The following SNX25 variants were observed in gnomAD, a reference collection of about 807,000 sequenced individuals.
SNX25 encodes the protein sorting nexin 25.
A neutral mutation model predicts 113.7 loss-of-function variants in SNX25; 62 were observed. The observed-to-expected ratio is 0.55, with a 90% CI of 0.44 to 0.67. SNX25 has a LOEUF of 0.67. Among genes scored for constraint, SNX25 ranks in the 30% least tolerant of loss-of-function variants. The pLI, the probability that SNX25 is intolerant of heterozygous loss-of-function variation, is 0.00. For missense variants in SNX25, 1,014 were observed against 1,161.0 expected, an observed-to-expected ratio of 0.87 and a Z score of 1.84; for synonymous variants, 421 against 436.2, an observed-to-expected ratio of 0.97 and a Z score of 0.43.
intron 5 of SNX25, among the ~76,000 whole-genome samples, chr4:185,269,192 C>T (rs1315930493): frequency 6.6e-6 from 1 of 151,400 alleles, no homozygotes; most frequent in Non-Finnish European, 1.5e-5. Flanking sequence ...TTTAAAGCAT[C>T]ATTCTATAAA....
intron 7 of SNX25, among the ~76,000 whole-genome samples, chr4:185,313,614 C>T (rs1262294204): frequency 6.6e-6 from 1 of 152,118 alleles, no homozygotes; most frequent in Non-Finnish European, 1.5e-5. Context: ...TGCAATATAT[C>T]CCACAATTAT....
chr4:185,360,950 T>TATATATATATATATATATAGATAGATAG (rs1048534398), intron 16 of SNX25, among the ~76,000 whole-genome samples: 2 of 141,756 alleles, frequency 1.4e-5, no homozygotes, highest in East Asian at 2.0e-4. Context: ...TATATATATA[T>TATATATATATATATATATAGATAGATAG]ATAGAATCTG....
At chr4:185,375,711 C>G in the SNX25 span, 1 of 1,606,344 alleles carries the variant, frequency 6.2e-7, no homozygotes, top group South Asian at 1.1e-5. Flanking sequence ...TGTTCTAATG[C>G]TTCTTCATAC....
chr4:185,330,720 G>A (rs2095188522), intron 9 of SNX25, among the ~76,000 whole-genome samples: 2 of 152,054 alleles, frequency 1.3e-5, no homozygotes, highest in Non-Finnish European at 2.9e-5. Flanking sequence ...TCAAGTGCTT[G>A]CTCTTGATGG....
intron 5 of SNX25, among the ~76,000 whole-genome samples, chr4:185,278,743 T>C (rs185167768): frequency 7.9e-4 from 120 of 152,320 alleles, no homozygotes; most frequent in African/African-American, 2.8e-3. Flanking sequence ...AAGGTGATAT[T>C]CAGTAAACAT....
At chr4:185,304,683 C>A (rs1177657183) in intron 6 of SNX25, among the ~76,000 whole-genome samples, 2 of 151,976 alleles carry the variant, frequency 1.3e-5, no homozygotes, top group Non-Finnish European at 2.9e-5. Flanking sequence ...GAGACAGAGT[C>A]TTGCTGTGTT....
intron 6 of SNX25, chr4:185,295,690 TC>T (rs1752746729): frequency 6.6e-6 from 1 of 152,152 alleles, no homozygotes; most frequent in Non-Finnish European, 1.5e-5. Context: ...GCTCAATCGA[TC>T]CGCCCTCCTC....
intron 1 of SNX25, among the ~76,000 whole-genome samples, chr4:185,216,350 G>C (rs1738815896): frequency 6.6e-6 from 1 of 152,024 alleles, no homozygotes; most frequent in African/African-American, 2.4e-5. Flanking sequence ...GTTTTTCTCT[G>C]TATAATCTGT....
chr4:185,358,917 T>TA (rs2095350413), intron 16 of SNX25, among the ~76,000 whole-genome samples: 1 of 152,340 alleles, frequency 6.6e-6, no homozygotes, highest in Admixed American at 6.5e-5. Flanking sequence ...AAGATTAGTA[T>TA]AATAGTTTTA....
In SNX25 at chr4:185,354,253, T is replaced by C. The variant is rs181894463; in HGVS notation, c.2584+651T>C. Among the ~76,000 whole-genome samples, 14 of 152,300 alleles carry C rather than the reference T, an allele frequency of 9.2e-5. 1 individual carries two copies. The East Asian group carries it at 2.7e-3, about 29-fold the overall frequency. On this transcript the variant is annotated intron_variant, in intron 15 of 18. Transcript: ENST00000652585. ...ACTAAAAGTTATACAGAAAACTGTTTTGCTTAGCACAGAAGAATCCTGTTG... is the reference window on the plus strand; with the variant it reads ...ACTAAAAGTTATACAGAAAACTGTTCTGCTTAGCACAGAAGAATCCTGTTG...
intron 15 of SNX25, 147 bp downstream of exon 15, chr4:185,353,749 T>G: frequency 2.6e-6 from 2 of 778,278 alleles, no homozygotes; most frequent in Non-Finnish European, 4.3e-6. Flanking sequence ...ACATAGCCTT[T>G]TAAGAGCCAA....
At chr4:185,300,663 C>T (rs1313555509) in intron 6 of SNX25, among the ~76,000 whole-genome samples, 1 of 151,858 alleles carries the variant, frequency 6.6e-6, no homozygotes, top group Non-Finnish European at 1.5e-5. Flanking sequence ...TTATGAATGA[C>T]CTAAACTCAT....
At chr4:185,290,704 A>G (rs899822067) in intron 6 of SNX25, among the ~76,000 whole-genome samples, 2 of 152,202 alleles carry the variant, frequency 1.3e-5, no homozygotes, top group Non-Finnish European at 2.9e-5. Context: ...ATTCTGGTTG[A>G]ATTTTAATTA....
intron 1 of SNX25, among the ~76,000 whole-genome samples, chr4:185,242,245 G>GT (rs1040258370): frequency 6.6e-6 from 1 of 152,068 alleles, no homozygotes; most frequent in East Asian, 1.9e-4. Context: ...AATGTGTGGG[G>GT]TTTTTTTCCC....
chr4:185,303,003 A>G (rs1226992030), intron 6 of SNX25, among the ~76,000 whole-genome samples: 1 of 152,194 alleles, frequency 6.6e-6, no homozygotes, highest in Non-Finnish European at 1.5e-5. Context: ...CCCCAAGAAG[A>G]ACTTTAGTCC....
intron 16 of SNX25, among the ~76,000 whole-genome samples, chr4:185,358,067 A>G (rs909501089): frequency 5.3e-5 from 8 of 152,208 alleles, no homozygotes; most frequent in Admixed American, 3.9e-4. Flanking sequence ...ATGTCAAATA[A>G]TGAGAATCAG....
Position 185,347,080 on chromosome 4 carries a change from A to G in SNX25, c.2301+430A>G, listed in dbSNP as rs542675856. ...CTCATTATGTTCATAGGACTCATCCATCCTGTCATCTTAGTTGTAGATGAT... is the reference window on the plus strand; with the variant it reads ...CTCATTATGTTCATAGGACTCATCCGTCCTGTCATCTTAGTTGTAGATGAT... On this transcript the variant is annotated intron_variant, in intron 13 of 18. Coordinates refer to ENST00000652585, the MANE Select transcript of SNX25 (RefSeq NM_001378034.2). Among the ~76,000 whole-genome samples the G allele has an allele frequency of 9.8e-5, 15 of 152,342 alleles. No homozygotes were observed. In the South Asian group the frequency reaches 2.9e-3, roughly 29 times the overall value.
intron 1 of SNX25, among the ~76,000 whole-genome samples, chr4:185,239,912 G>A (rs917120355): frequency 5.3e-5 from 8 of 149,644 alleles, no homozygotes; most frequent in East Asian, 2.0e-4. Context: ...AGGACCCTGC[G>A]GCCTTCCGCA....
intron 5 of SNX25, among the ~76,000 whole-genome samples, chr4:185,279,047 G>A (rs1750169757): frequency 6.6e-6 from 1 of 151,412 alleles, no homozygotes; most frequent in South Asian, 2.1e-4. Flanking sequence ...GTTTATTTTA[G>A]GAAGATAAAA....
Sources: allele counts gnomAD v4.1 joint callset (sites outside exome capture counted in the v4.1 genomes callset), GRCh38; gene constraint gnomAD v4.1.1; transcripts MANE v1.5; gene names NCBI Gene and HGNC (gene_info 2026-07-23, HGNC 2026-07-21).